Variants in CCSER1 observed in about 807,000 individuals in gnomAD.
CCSER1 encodes serine-rich coiled-coil domain-containing protein 1.
In CCSER1, 41 loss-of-function variants were observed where a neutral mutation model predicts 82.0. That is an observed-to-expected ratio of 0.50 (90% CI 0.39 to 0.65). The LOEUF (loss-of-function observed/expected upper bound fraction) is 0.65, where lower values mean the gene tolerates loss of function less well. CCSER1 is among the 30% of genes least tolerant of loss of function. The pLI is 0.00. For synonymous variants in CCSER1, 414 were observed against 383.9 expected, an observed-to-expected ratio of 1.08 and a Z score of -0.92; for missense variants, 1,119 against 1,064.2, an observed-to-expected ratio of 1.05 and a Z score of -0.72.
chr4:90,437,298 TAC>T lies in CCSER1; in HGVS notation c.1604-30930_1604-30929del, dbSNP rs1001557499. ...GCGCGCACACACACACATATATATA[TAC>T]ACACAGATATAGGTGTTTTAGTGTA... On this transcript the variant is annotated intron_variant, in intron 4 of 10. Coordinates refer to ENST00000509176, the MANE Select transcript of CCSER1 (RefSeq NM_001145065.2). Among the ~76,000 whole-genome samples, 268 of 152,058 alleles carry T rather than the reference TAC, an allele frequency of 1.8e-3. 1 individual carries two copies. Among genetic ancestry groups the T allele is most frequent in the African/African-American group, 6.2e-3 (259 of 41,492 alleles).
chr4:91,535,474 AAAC>A (rs1761250544), intron 10 of CCSER1, among the ~76,000 whole-genome samples: 1 of 114,298 alleles, frequency 8.7e-6, no homozygotes, highest in African/African-American at 3.8e-5. Flanking sequence ...GAAAAATAAA[AAAC>A]AACAAGAATA....
At chr4:91,062,590 A>C (rs1288583307) in intron 9 of CCSER1, among the ~76,000 whole-genome samples, 1 of 152,112 alleles carries the variant, frequency 6.6e-6, no homozygotes, top group Non-Finnish European at 1.5e-5. Flanking sequence ...ACATTAAAAC[A>C]CTTTCCCCTT....
chr4:90,461,221 A>G (rs1181310516), intron 4 of CCSER1, among the ~76,000 whole-genome samples: 1 of 137,538 alleles, frequency 7.3e-6, no homozygotes, highest in African/African-American at 3.1e-5. Flanking sequence ...GCCCGCCACT[A>G]CGCCCGGCTA....
intron 5 of CCSER1, among the ~76,000 whole-genome samples, chr4:90,580,673 T>C (rs920237268): frequency 2.0e-5 from 3 of 152,106 alleles, no homozygotes; most frequent in African/African-American, 7.2e-5. Flanking sequence ...ATATGCAGGG[T>C]CTGAGCAACT....
rs1225512868 is a variant in CCSER1 at position 91,199,139 on chromosome 4, G to C, written c.2217+113145G>C. Among the ~76,000 whole-genome samples the C allele has an allele frequency of 3.3e-5, 5 of 152,230 alleles. No homozygotes were observed. In the East Asian group the frequency reaches 9.7e-4, roughly 29 times the overall value. On this transcript the variant is annotated intron_variant, in intron 10 of 10. Coordinates refer to ENST00000509176, the MANE Select transcript of CCSER1 (RefSeq NM_001145065.2). ...ATCACTGAGGCCAGAGGAATAACAAGTGTTTATTAGCTCTAGCCTATATCA... is the reference window on the plus strand; with the variant it reads ...ATCACTGAGGCCAGAGGAATAACAACTGTTTATTAGCTCTAGCCTATATCA...
rs1764701572 is a variant in CCSER1, at chr4:91,598,780, C to T, written c.2426C>T (p.Thr809Ile). Reference sequence around the variant, plus strand: ...GAAGTTATCAAACATTCAAGAGGAACTTATGAAACCCTCACTTCAGACGTT... The same window carrying T: ...GAAGTTATCAAACATTCAAGAGGAATTTATGAAACCCTCACTTCAGACGTT... ...LAEVIKHSRG[T>I]YETLTSDVTQ... Residue 809 changes from threonine to isoleucine, a missense_variant, in exon 11 of 11, where the codon ACT becomes ATT. By Grantham distance (89) the Thr-to-Ile change is moderately conservative (BLOSUM62 -1). Transcript: ENST00000509176. 1 of 1,551,638 alleles carries T rather than the reference C, an allele frequency of 6.4e-7. No homozygotes were observed. Among genetic ancestry groups the T allele is most frequent in the Non-Finnish European group, 8.7e-7 (1 of 1,146,928 alleles).
At chr4:91,160,551 G>C (rs961925087) in intron 10 of CCSER1, among the ~76,000 whole-genome samples, 1 of 152,172 alleles carries the variant, frequency 6.6e-6, no homozygotes, top group Non-Finnish European at 1.5e-5. Context: ...ATCCTCTCCA[G>C]CACCTGTTGT....
chr4:90,453,990 A>G (rs1289710226), intron 4 of CCSER1, among the ~76,000 whole-genome samples: 1 of 152,150 alleles, frequency 6.6e-6, no homozygotes, highest in Non-Finnish European at 1.5e-5. Context: ...CTGCTGGACC[A>G]CTTGAGAGAC....
At chr4:90,821,934 G>C (rs1056190167) in intron 8 of CCSER1, among the ~76,000 whole-genome samples, 5 of 152,044 alleles carry the variant, frequency 3.3e-5, no homozygotes, top group African/African-American at 1.2e-4. Flanking sequence ...TTGTGTTTTG[G>C]GGGGATGGAT....
rs147640465 is a variant in CCSER1 at position 91,367,277 on chromosome 4, G to A, written c.2218-231295G>A. Among the ~76,000 whole-genome samples, 978 of 140,578 alleles carry A rather than the reference G, an allele frequency of 7.0e-3. 17 individuals carry two copies. The highest frequency in any genetic ancestry group is 0.024 in the African/African-American group (910 of 37,726). The allele number at this position is 140,578 out of a possible 152,430, so 92.2% of individuals were successfully genotyped here. ...GGTTGCAGTGAGCCAAGATTGCACC[G>A]CTGCACTCCAGCATAGGTGACAGAG... On this transcript the variant is annotated intron_variant, in intron 10 of 10. Coordinates refer to ENST00000509176, the MANE Select transcript of CCSER1 (RefSeq NM_001145065.2).
At chr4:90,468,134 A>G in intron 4 of CCSER1, 100 bp from the exon 5 acceptor site, 2 of 995,118 alleles carry the variant, frequency 2.0e-6, no homozygotes, top group Non-Finnish European at 2.8e-6. Flanking sequence ...TATTAGAATT[A>G]GATCTTTTAT....
At chr4:91,463,710 C>T (rs978689831) in intron 10 of CCSER1, among the ~76,000 whole-genome samples, 3 of 152,130 alleles carry the variant, frequency 2.0e-5, no homozygotes, top group Admixed American at 1.3e-4. Flanking sequence ...GATTAATGCA[C>T]AAGCTTCAGA....
chr4:90,219,434 G>A (rs1024549696), intron 1 of CCSER1, among the ~76,000 whole-genome samples: 48 of 152,016 alleles, frequency 3.2e-4, no homozygotes, highest in African/African-American at 1.1e-3. Flanking sequence ...TATCTTGAAC[G>A]GTGTCAGGGC....
At chr4:90,522,103 T>C (rs762800843) in intron 5 of CCSER1, among the ~76,000 whole-genome samples, 4 of 152,210 alleles carry the variant, frequency 2.6e-5, no homozygotes, top group Admixed American at 2.6e-4. Context: ...ATTTCTGTCA[T>C]TGAGTTTCAG....
At chr4:90,576,571 T>G (rs892937266) in intron 5 of CCSER1, among the ~76,000 whole-genome samples, 2 of 152,188 alleles carry the variant, frequency 1.3e-5, no homozygotes, top group Non-Finnish European at 2.9e-5. Flanking sequence ...CTTTTTCTTT[T>G]CCATAGTTTC....
chr4:90,951,103 T>C (rs1355737920), intron 9 of CCSER1: 4 of 152,102 alleles, frequency 2.6e-5, no homozygotes, highest in Admixed American at 2.6e-4. Flanking sequence ...TACCTCTGTA[T>C]GATTTCTCAG....
chr4:90,864,431 C>T (rs185493320), intron 8 of CCSER1, among the ~76,000 whole-genome samples: 1 of 151,990 alleles, frequency 6.6e-6, no homozygotes, highest in Non-Finnish European at 1.5e-5. Context: ...TGTTGTTACC[C>T]TAGGAGTAAG....
At chr4:91,286,925 G>T (rs1427061474) in intron 10 of CCSER1, among the ~76,000 whole-genome samples, 1 of 151,814 alleles carries the variant, frequency 6.6e-6, no homozygotes, top group East Asian at 1.9e-4. Flanking sequence ...AGCACCAAAT[G>T]TTTGTAAGTT....
intron 4 of CCSER1, among the ~76,000 whole-genome samples, chr4:90,419,517 T>G (rs6814827): frequency 0.34 from 50,876 of 151,762 alleles, 14,749 homozygotes; most frequent in African/African-American, 0.79. Context: ...TAAATGGCAG[T>G]TTCTTTTAAC....
Sources: gnomAD v4.1 joint callset for allele counts (sites outside exome capture counted in the v4.1 genomes callset) on GRCh38, gnomAD v4.1.1 for gene constraint, MANE v1.5 for transcripts, NCBI Gene and HGNC (gene_info 2026-07-23, HGNC 2026-07-21) for gene names.